SEZ6L: variants seen among roughly 807,000 people sequenced by gnomAD.
The protein encoded by SEZ6L is seizure related 6 homolog like.
SEZ6L carries 37 observed loss-of-function variants against 106.2 expected under a neutral mutation model. That is an observed-to-expected ratio of 0.35 (90% CI 0.27 to 0.46). The LOEUF is 0.46. SEZ6L is among the 20% of genes least tolerant of loss of function. The pLI is 1.00. For synonymous variants in SEZ6L, 541 were observed against 570.4 expected, an observed-to-expected ratio of 0.95 and a Z score of 0.73; for missense variants, 1,172 against 1,332.8, an observed-to-expected ratio of 0.88 and a Z score of 1.88.
chr22:26,211,260 C>G (rs1431360399), intron 1 of SEZ6L, among the ~76,000 whole-genome samples: 1 of 152,180 alleles, frequency 6.6e-6, no homozygotes, highest in Non-Finnish European at 1.5e-5. Flanking sequence ...AAAGGTTTTG[C>G]TGTAGTACAC....
intron 1 of SEZ6L, among the ~76,000 whole-genome samples, chr22:26,239,202 C>T (rs1037902577): frequency 5.3e-5 from 8 of 152,082 alleles, no homozygotes; most frequent in South Asian, 4.2e-4. Context: ...CCAGCCTGGG[C>T]GGCAATGTGA....
At chr22:26,247,622 G>A (rs1357753537) in intron 1 of SEZ6L, among the ~76,000 whole-genome samples, 1 of 152,100 alleles carries the variant, frequency 6.6e-6, no homozygotes, top group East Asian at 1.9e-4. Context: ...ATTCTTCCCC[G>A]GAGCCTACAG....
chr22:26,315,732 G>A (rs533501635), intron 9 of SEZ6L, among the ~76,000 whole-genome samples: 10 of 152,238 alleles, frequency 6.6e-5, no homozygotes, highest in South Asian at 2.1e-4. Context: ...CAGATTTTAC[G>A]CGTTCCTAGC....
chr22:26,228,911 A>T (rs147687110), intron 1 of SEZ6L, among the ~76,000 whole-genome samples: 15 of 152,364 alleles, frequency 9.8e-5, no homozygotes, highest in African/African-American at 3.4e-4. Flanking sequence ...AAGGTGCATC[A>T]GAGGATGCTC....
At chr22:26,310,080 C>T (rs1046698837) in intron 6 of SEZ6L, among the ~76,000 whole-genome samples, 2 of 152,336 alleles carry the variant, frequency 1.3e-5, no homozygotes, top group East Asian at 3.9e-4. Flanking sequence ...TAATAATAGT[C>T]AACATCAATT....
chr22:26,233,333 T>C (rs932450964), intron 1 of SEZ6L, among the ~76,000 whole-genome samples: 5 of 152,182 alleles, frequency 3.3e-5, no homozygotes, highest in African/African-American at 1.2e-4. Context: ...CCCTGGCACA[T>C]CTTTGCAGGT....
chr22:26,321,235 G>A (rs185112176), intron 9 of SEZ6L, among the ~76,000 whole-genome samples: 365 of 152,300 alleles, frequency 2.4e-3, no homozygotes, highest in African/African-American at 8.2e-3. Context: ...ACTGAGGCTC[G>A]GGGTGGTGGG....
chr22:26,322,995 A>G (rs2082199330), intron 9 of SEZ6L, among the ~76,000 whole-genome samples: 2 of 152,202 alleles, frequency 1.3e-5, no homozygotes, highest in South Asian at 4.1e-4. Flanking sequence ...GGGAACTAAC[A>G]TTGGTGAAGG....
intron 1 of SEZ6L, among the ~76,000 whole-genome samples, chr22:26,283,226 C>A (rs777814545): frequency 6.6e-6 from 1 of 152,040 alleles, no homozygotes; most frequent in African/African-American, 2.4e-5. Context: ...GGCTGCAATA[C>A]GACTTCTAGT....
chr22:26,199,974 C>T (rs1569372163), intron 1 of SEZ6L, among the ~76,000 whole-genome samples: 1 of 152,152 alleles, frequency 6.6e-6, no homozygotes, highest in Non-Finnish European at 1.5e-5. Flanking sequence ...TTAAATCTCA[C>T]AACAGCCCTC....
chr22:26,223,481 A>T (rs1466156625), intron 1 of SEZ6L, among the ~76,000 whole-genome samples: 1 of 152,168 alleles, frequency 6.6e-6, no homozygotes, highest in Admixed American at 6.5e-5. Flanking sequence ...TTTCAAGCAC[A>T]AATTGTGGCT....
intron 9 of SEZ6L, among the ~76,000 whole-genome samples, 169 bp downstream of exon 9, chr22:26,314,071 TAC>T (rs55746736): frequency 0.26 from 37,781 of 145,060 alleles, 5,153 homozygotes; most frequent in East Asian, 0.55. Context: ...GCATCACAAA[TAC>T]ACACACACAC....
At chr22:26,213,117 A>G (rs755250909) in intron 1 of SEZ6L, among the ~76,000 whole-genome samples, 6 of 152,312 alleles carry the variant, frequency 3.9e-5, no homozygotes, top group Non-Finnish European at 7.4e-5. Context: ...AATGGTCAGT[A>G]TGAATCATGT....
intron 9 of SEZ6L, among the ~76,000 whole-genome samples, chr22:26,322,334 T>G (rs1226536984): frequency 6.6e-6 from 1 of 152,152 alleles, no homozygotes; most frequent in Non-Finnish European, 1.5e-5. Context: ...TTCCACTGAC[T>G]TGAACAGCTT....
chr22:26,329,295 C>T (rs1225762743), intron 9 of SEZ6L, among the ~76,000 whole-genome samples: 5 of 151,994 alleles, frequency 3.3e-5, no homozygotes, highest in South Asian at 2.1e-4. Flanking sequence ...TGGTGAAACC[C>T]GGTCTCTACT....
chr22:26,173,894 T>C (rs1320589523), intron 1 of SEZ6L, among the ~76,000 whole-genome samples: 1 of 152,218 alleles, frequency 6.6e-6, no homozygotes, highest in Non-Finnish European at 1.5e-5. Flanking sequence ...CCTATCTTTA[T>C]GATTTCATTT....
At chr22:26,264,263 A>G (rs1253862794) in intron 1 of SEZ6L, among the ~76,000 whole-genome samples, 2 of 152,230 alleles carry the variant, frequency 1.3e-5, no homozygotes, top group African/African-American at 2.4e-5. Flanking sequence ...GAGGTTGACA[A>G]CAGAGCACAG....
At chr22:26,266,725 ACTTT>A (rs891002610) in intron 1 of SEZ6L, among the ~76,000 whole-genome samples, 12 of 152,028 alleles carry the variant, frequency 7.9e-5, no homozygotes, top group African/African-American at 2.7e-4. Flanking sequence ...TTCAAGTCTG[ACTTT>A]CTTTCTAGAC....
At chr22:26,361,343 C>CAAAAAAAAAAAAAAAA (rs150251826) in intron 12 of SEZ6L, among the ~76,000 whole-genome samples, 3 of 133,358 alleles carry the variant, frequency 2.2e-5, no homozygotes, top group Non-Finnish European at 3.2e-5. Flanking sequence ...ACTAAAAATA[C>CAAAAAAAAAAAAAAAA]AAAAACAAAA....
Sources: allele counts gnomAD v4.1 joint callset (sites outside exome capture counted in the v4.1 genomes callset), GRCh38; gene constraint gnomAD v4.1.1; transcripts MANE v1.5; gene names NCBI Gene and HGNC (gene_info 2026-07-23, HGNC 2026-07-21).